EXOC5: variants seen among roughly 807,000 people sequenced by gnomAD.
EXOC5 encodes SEC10-like 1.
In EXOC5, 17 loss-of-function variants were observed where a neutral mutation model predicts 90.8. The ratio of observed to expected loss-of-function variants is 0.19; its 90% CI spans 0.13 to 0.28. The LOEUF (loss-of-function observed/expected upper bound fraction) is 0.28, where lower values mean the gene tolerates loss of function less well. EXOC5 is among the 10% of genes least tolerant of loss of function. EXOC5 has a pLI of 1.00. For synonymous variants in EXOC5, 260 were observed against 270.0 expected (o/e 0.96, Z 0.36); for missense variants, 569 against 830.6 (o/e 0.69, Z 3.87).
At chr14:57,255,706 C>G (rs1297179730) in intron 1 of EXOC5, among the ~76,000 whole-genome samples, 1 of 152,036 alleles carries the variant, frequency 6.6e-6, no homozygotes, top group Non-Finnish European at 1.5e-5. Context: ...GTGGTGGGCA[C>G]CTGTAGTCCT....
intron 5 of EXOC5, among the ~76,000 whole-genome samples, chr14:57,238,375 T>TATATATATACACAC (rs1239623225): frequency 8.0e-5 from 6 of 74,896 alleles, no homozygotes; most frequent in South Asian, 7.7e-4. Flanking sequence ...TATATATATA[T>TATATATATACACAC]ACACACACAC....
At position 57,235,717 on chromosome 14, in the gene EXOC5, A is replaced by G. The variant is rs1403349744; in HGVS notation, c.663T>C (p.His221=). 2.7e-6 allele frequency: 4 copies of G among 1,493,738 alleles called. No homozygotes were observed. The highest frequency in any genetic ancestry group is 3.7e-6 in the Non-Finnish European group (4 of 1,094,148). The allele number at this position is 1,493,738 out of a possible 1,614,324, so 92.5% of individuals were successfully genotyped here. The change falls in exon 7 of 18, where the codon CAT becomes CAC. Residue 221 remains histidine (H), a synonymous_variant. Coordinates refer to ENST00000621441, the MANE Select transcript of EXOC5 (RefSeq NM_006544.4). ...RMREVAAVLL[H]FKGYSHCVDV... is the part of the protein sequence containing the mutation. ...TTTAATTCCTACTATTTACCTTAAAATGAAGTAAAACTGCTGCTACTTCTC... is the reference window on the plus strand; with the variant it reads ...TTTAATTCCTACTATTTACCTTAAAGTGAAGTAAAACTGCTGCTACTTCTC...
chr14:57,201,094 G>C lies in EXOC5; in HGVS notation c.*7515C>G, dbSNP rs1180682343. The stretch of plus-strand genomic sequence containing the variant: ...CCCCCTAGCATTATCTATTGAGAAA[G>C]AGTAGGGTGAGACATCTCAATAATA... On this transcript the variant is annotated 3_prime_UTR_variant, in exon 18 of 18. Transcript: ENST00000621441. 6.6e-6 allele frequency: 1 copy of C among 152,060 alleles called. No homozygotes were observed. The highest frequency in any genetic ancestry group is 1.9e-4 in the East Asian group (1 of 5,164). 9.4% of individuals were successfully genotyped at this position (152,060 alleles called of 1,614,324 possible).
At chr14:57,239,408 T>G (rs1883785762) in intron 5 of EXOC5, 187 bp downstream of exon 5, 2 of 431,348 alleles carry the variant, frequency 4.6e-6, no homozygotes, top group Non-Finnish European at 8.2e-6. Context: ...AGAGACTGTA[T>G]TTTTTCAATA....
chr14:57,251,612 T>G (rs897216194), intron 1 of EXOC5, among the ~76,000 whole-genome samples: 2 of 150,806 alleles, frequency 1.3e-5, no homozygotes, highest in African/African-American at 2.5e-5. Context: ...CTTTAAAACT[T>G]AAGTTATTAG....
intron 1 of EXOC5, among the ~76,000 whole-genome samples, chr14:57,249,901 T>C (rs1270042959): frequency 6.6e-6 from 1 of 152,098 alleles, no homozygotes; most frequent in Non-Finnish European, 1.5e-5. Flanking sequence ...CCTTCCTGAG[T>C]AGCTGGGATT....
rs77871733 is a variant in EXOC5 at position 57,247,413 on chromosome 14, T to G, written c.122+205A>C. On this transcript the variant is annotated intron_variant, in intron 2 of 17. Coordinates refer to ENST00000621441, the MANE Select transcript of EXOC5 (RefSeq NM_006544.4). The stretch of plus-strand genomic sequence containing the variant: ...TCTTATACTCAATAAAATTACTTCC[T>G]GCATACCAGTTAAATTGCTTCTTTA... Among the ~76,000 whole-genome samples the G allele has an allele frequency of 2.7e-3, 413 of 152,298 alleles. 2 individuals carry two copies. The highest frequency in any genetic ancestry group is 9.2e-3 in the African/African-American group (383 of 41,592).
intron 5 of EXOC5, among the ~76,000 whole-genome samples, chr14:57,238,621 T>C (rs1023716784): frequency 1.2e-4 from 18 of 151,894 alleles, no homozygotes; most frequent in African/African-American, 3.9e-4. Flanking sequence ...TACAGTAAGT[T>C]AAATCATAAT....
intron 12 of EXOC5, among the ~76,000 whole-genome samples, chr14:57,228,705 G>T (rs1461066887): frequency 2.6e-5 from 4 of 151,702 alleles, no homozygotes; most frequent in African/African-American, 4.8e-5. Context: ...GGGCCTGTTG[G>T]GGGGGTGGGG....
intron 4 of EXOC5, among the ~76,000 whole-genome samples, chr14:57,242,304 T>C (rs1045348165): frequency 1.3e-5 from 2 of 151,890 alleles, no homozygotes; most frequent in Non-Finnish European, 2.9e-5. Context: ...GAGTGCAGTG[T>C]GGCAGTCACA....
Position 57,205,157 on chromosome 14 carries a change from G to A in EXOC5, c.*3452C>T, listed in dbSNP as rs188950785. The A allele has an allele frequency of 1.1e-3, 164 of 152,070 alleles. 1 individual carries two copies. In the Middle Eastern group the frequency reaches 0.017, roughly 16 times the overall value. The allele number at this position is 152,070 out of a possible 1,614,324, so 9.4% of individuals were successfully genotyped here. On this transcript the variant is annotated 3_prime_UTR_variant, in exon 18 of 18. Transcript: ENST00000621441. ...AAGGACTTATTAGCACAGTGTGTGA[G>A]ACTTAAATCAATACATGTAACTATA...
intron 1 of EXOC5, among the ~76,000 whole-genome samples, chr14:57,252,464 A>C (rs1010688706): frequency 3.9e-5 from 6 of 152,200 alleles, no homozygotes; most frequent in Non-Finnish European, 7.3e-5. Flanking sequence ...TGGATTTTAA[A>C]AATGTGTGAA....
At chr14:57,223,560 T>A (rs1472021707) in intron 12 of EXOC5, among the ~76,000 whole-genome samples, 2 of 152,060 alleles carry the variant, frequency 1.3e-5, no homozygotes, top group Non-Finnish European at 2.9e-5. Context: ...TTCACCCTCC[T>A]CCTCTAATCA....
chr14:57,209,679 C>T lies in EXOC5; in HGVS notation c.1826G>A (p.Arg609His), dbSNP rs780271597. 42 of 1,612,156 alleles carry T rather than the reference C, an allele frequency of 2.6e-5. No individual in the cohort carries two copies. Among genetic ancestry groups the T allele is most frequent in the Non-Finnish European group, 3.4e-5 (40 of 1,178,630 alleles). The change falls in exon 17 of 18, where the codon CGT becomes CAT. Residue 609 changes from arginine to histidine, a missense_variant. Around this residue, in one of 9 missense-constraint regions of EXOC5, gnomAD observed 122 missense variants for 180.0 expected, o/e 0.68. Coordinates refer to ENST00000621441, the MANE Select transcript of EXOC5 (RefSeq NM_006544.4). Reference protein sequence around the residue: ...VDTVLMELGVRFHRLIYEHLQ... With the variant: ...VDTVLMELGVHFHRLIYEHLQ... ...ATGCTCATAGATAAGTCGATGAAAA[C>T]GTACTCCAAGTTCCATCAAAACTGT...
chr14:57,243,155 T>C (rs1883923104), intron 4 of EXOC5: 1 of 152,166 alleles, frequency 6.6e-6, no homozygotes, highest in African/African-American at 2.4e-5. Context: ...CAGTGTACAA[T>C]GTTTGGGTGA....
chr14:57,221,510 T>C (rs1883139428), intron 13 of EXOC5, among the ~76,000 whole-genome samples: 1 of 152,094 alleles, frequency 6.6e-6, no homozygotes. Flanking sequence ...GGTGTTTAAA[T>C]TAGGGTGGCA....
In EXOC5 at chr14:57,254,749, T is replaced by A. The variant is rs555193265; in HGVS notation, c.28-7037A>T. 7.2e-5 allele frequency among the ~76,000 whole-genome samples: 11 copies of A among 152,294 alleles called. No individual in the cohort carries two copies. In the East Asian group the frequency reaches 1.9e-3, roughly 27 times the overall value. On this transcript the variant is annotated intron_variant, in intron 1 of 17. Transcript: ENST00000621441. ...ACAGGCACTCATTATGGGATTAATG[T>A]TCTTACAGGAAAAAGAAATCTCTCT...
In EXOC5 at chr14:57,268,637, C is replaced by A; in HGVS notation, c.12G>T (p.Thr4=). The A allele has an allele frequency of 6.3e-7, 1 of 1,591,156 alleles. No individual in the cohort carries two copies. The highest frequency in any genetic ancestry group is 2.3e-5 in the East Asian group (1 of 44,032). MAT[T]AELFEEPFVA... ...CGGGGCCCACCTCGAAGAGCTCGGC[C>A]GTGGTAGCCATCCCGGCCGGCTGAG... The change falls in exon 1 of 18, where the codon ACG becomes ACT. Residue 4 remains threonine, a synonymous_variant. Coordinates refer to ENST00000621441, the MANE Select transcript of EXOC5 (RefSeq NM_006544.4).
At chr14:57,238,221 T>C (rs74054212) in intron 5 of EXOC5, among the ~76,000 whole-genome samples, 4,907 of 93,104 alleles carry the variant, frequency 0.053, 245 homozygotes, top group African/African-American at 0.14. Flanking sequence ...TCCACATATA[T>C]ATACACACAC....
Sources: allele counts gnomAD v4.1 joint callset (sites outside exome capture counted in the v4.1 genomes callset), GRCh38; gene constraint gnomAD v4.1.1; regional missense constraint gnomAD v4.1.1; transcripts MANE v1.5; gene names NCBI Gene and HGNC (gene_info 2026-07-23, HGNC 2026-07-21).